The following ATP1A4 variants were observed in gnomAD, a reference collection of about 807,000 sequenced individuals.
The protein encoded by ATP1A4 is sodium/potassium-transporting ATPase subunit alpha-4.
A neutral mutation model predicts 114.3 loss-of-function variants in ATP1A4; 90 were observed. The ratio of observed to expected loss-of-function variants is 0.79; its 90% confidence interval spans 0.66 to 0.94. The LOEUF is 0.94. ATP1A4 is among the 40% of genes least tolerant of loss of function. The pLI is 0.00. For missense variants in ATP1A4, 1,222 were observed against 1,313.6 expected, an observed-to-expected ratio of 0.93 and a Z score of 1.08; for synonymous variants, 511 against 494.1, an observed-to-expected ratio of 1.03 and a Z score of -0.45.
At position 160,152,067 on chromosome 1, in the gene ATP1A4, A is replaced by G. The variant is rs2102006846; in HGVS notation, c.27A>G (p.Thr9=). 6 of 1,613,960 alleles carry G rather than the reference A, an allele frequency of 3.7e-6. No homozygotes were observed. Among genetic ancestry groups the G allele is most frequent in the Non-Finnish European group, 4.2e-6 (5 of 1,179,956 alleles). The change falls in exon 1 of 22, where the codon ACA becomes ACG. Residue 9 remains threonine (T), a synonymous_variant. Transcript: ENST00000368081. MGLWGKKG[T]VAPHDQSPRR... ...TGGGGCTTTGGGGGAAGAAAGGGAC[A>G]GTGGCTCCCCATGACCAGAGTCCAA...
chr1:160,186,192 G>C lies in ATP1A4; in HGVS notation c.2970-84G>C, dbSNP rs1475989302. 4 of 845,218 alleles carry C rather than the reference G, an allele frequency of 4.7e-6. No homozygotes were observed. In the African/African-American group the frequency reaches 6.8e-5, roughly 14 times the overall value. 52.4% of individuals were successfully genotyped at this position (845,218 alleles called of 1,614,324 possible). A position where few individuals can be genotyped will look rare whatever the true frequency, so the allele number is the denominator to read the frequency against. Reference sequence around the variant, plus strand: ...ACACAGTAGACACAAGCAATGAAACGTGCAATTCCTGTGCATTGCCCTCTG... The same window carrying C: ...ACACAGTAGACACAAGCAATGAAACCTGCAATTCCTGTGCATTGCCCTCTG... On this transcript the variant is annotated intron_variant, in intron 20 of 21. Coordinates refer to ENST00000368081, the MANE Select transcript of ATP1A4 (RefSeq NM_144699.4).
chr1:160,170,204 C>T (rs1196900860), intron 10 of ATP1A4: 1 of 152,196 alleles, frequency 6.6e-6, no homozygotes, highest in Non-Finnish European at 1.5e-5. Context: ...GTTGGTAGAT[C>T]ACCTGAGGTC....
At chr1:160,153,957 T>C (rs1410377675) in intron 2 of ATP1A4, among the ~76,000 whole-genome samples, 1 of 152,210 alleles carries the variant, frequency 6.6e-6, no homozygotes, top group Non-Finnish European at 1.5e-5. Flanking sequence ...CTGGTGGTGA[T>C]TGGCAGGTTC....
intron 4 of ATP1A4, among the ~76,000 whole-genome samples, chr1:160,157,503 C>A (rs1053616401): frequency 6.6e-6 from 1 of 152,230 alleles, no homozygotes; most frequent in South Asian, 2.1e-4. Context: ...AAAGATAATG[C>A]GTTAAAGGAT....
intron 15 of ATP1A4, 38 bp downstream of exon 15, chr1:160,174,785 C>G (rs1159104966): frequency 1.2e-6 from 2 of 1,612,060 alleles, no homozygotes; most frequent in Admixed American, 3.3e-5. Context: ...GACTTCAACC[C>G]TGGACTCAGG....
In ATP1A4 at chr1:160,182,046, G is replaced by T. The variant is rs1653726542; in HGVS notation, c.2969+15G>T. 10 of 1,603,312 alleles carry T rather than the reference G, an allele frequency of 6.2e-6. No individual in the cohort carries two copies. The highest frequency in any genetic ancestry group is 1.1e-5 in the South Asian group (1 of 90,850). ...TACCCACTCAAGTGAGTAAGGGAAG[G>T]GATGCAAGCAGGGGATGTGCAGGCA... On this transcript the variant is annotated intron_variant, in intron 20 of 21. Transcript: ENST00000368081.
At chr1:160,168,368 T>C (rs1338058005) in intron 10 of ATP1A4, among the ~76,000 whole-genome samples, 6 of 143,778 alleles carry the variant, frequency 4.2e-5, no homozygotes. Flanking sequence ...CTCCCAAGTC[T>C]GCTGGTATCT....
At position 160,171,417 on chromosome 1, in the gene ATP1A4, G is replaced by C. The variant is rs759087766; in HGVS notation, c.1658G>C (p.Gly553Ala). 12 of 1,614,014 alleles carry C rather than the reference G, an allele frequency of 7.4e-6. No homozygotes were observed. Among genetic ancestry groups the C allele is most frequent in the Non-Finnish European group, 1.0e-5 (12 of 1,180,002 alleles). Residue 553 changes from glycine to alanine, a missense_variant, in exon 11 of 22, where the codon GGA (glycine) becomes GCA (alanine). Coordinates refer to ENST00000368081, the MANE Select transcript of ATP1A4 (RefSeq NM_144699.4). ...TTCCAAAATGCCTACTTAGAACTGG[G>C]AGGTCTGGGGGAACGTGTGCTAGGT... ...EAFQNAYLEL[G>A]GLGERVLGFC...
At chr1:160,173,990 G>C (rs1480599021) in intron 13 of ATP1A4, 121 bp from the exon 14 acceptor site, 3 of 1,280,132 alleles carry the variant, frequency 2.3e-6, no homozygotes, top group Non-Finnish European at 3.2e-6. Flanking sequence ...TATAGGGCTA[G>C]GGACAAGTGA....
rs1228249328 is a variant in ATP1A4 at position 160,152,087 on chromosome 1, G to A, written c.47G>A (p.Ser16Asn). ...GGGACAGTGGCTCCCCATGACCAGAGTCCAAGACGAAGACCTAAAAAAGGG... is the reference window on the plus strand; with the variant it reads ...GGGACAGTGGCTCCCCATGACCAGAATCCAAGACGAAGACCTAAAAAAGGG... Reference protein sequence around the residue: ...KKGTVAPHDQSPRRRPKKGLI... With the variant: ...KKGTVAPHDQNPRRRPKKGLI... Residue 16 changes from serine (S) to asparagine (N), a missense_variant, in exon 1 of 22, where the codon AGT (serine) becomes AAT (asparagine). Ser to Asn is a conservative substitution (Grantham distance 46, BLOSUM62 1). Transcript: ENST00000368081. 3 of 1,613,926 alleles carry A rather than the reference G, an allele frequency of 1.9e-6. No individual in the cohort carries two copies. Among genetic ancestry groups the A allele is most frequent in the Non-Finnish European group, 2.5e-6 (3 of 1,179,994 alleles).
At chr1:160,158,962 C>A in intron 4 of ATP1A4, 40 bp from the exon 5 acceptor site, 2 of 1,593,774 alleles carry the variant, frequency 1.3e-6, no homozygotes, top group South Asian at 1.1e-5. Context: ...ATGAGGAAAG[C>A]CAAAAGTTTT....
In ATP1A4 at chr1:160,164,439, T is replaced by C. The variant is rs1404930767; in HGVS notation, c.1047+15T>C. 1 of 1,612,814 alleles carries C rather than the reference T, an allele frequency of 6.2e-7. No individual in the cohort carries two copies. The highest frequency in any genetic ancestry group is 1.3e-5 in the African/African-American group (1 of 74,802). On this transcript the variant is annotated intron_variant, in intron 7 of 21. Coordinates refer to ENST00000368081, the MANE Select transcript of ATP1A4 (RefSeq NM_144699.4). ...CCACAGTCACTGTGAGTAGACAGGG[T>C]GGAAAATGGCCTCAGGGCAGACAAA...
intron 21 of ATP1A4, 51 bp downstream of exon 21, chr1:160,186,418 C>T (rs1158216064): frequency 1.4e-6 from 2 of 1,390,492 alleles, no homozygotes; most frequent in Admixed American, 1.7e-5. Flanking sequence ...AGCCCCCTCA[C>T]TAGCTCTCCC....
intron 20 of ATP1A4, among the ~76,000 whole-genome samples, chr1:160,184,193 C>T (rs1323473788): frequency 5.3e-5 from 8 of 151,988 alleles, no homozygotes; most frequent in Non-Finnish European, 1.2e-4. Context: ...CCTTGTGATC[C>T]GCCTGCCTCT....
chr1:160,162,329 G>A (rs894485126), intron 6 of ATP1A4, among the ~76,000 whole-genome samples: 1 of 152,168 alleles, frequency 6.6e-6, no homozygotes, highest in African/African-American at 2.4e-5. Flanking sequence ...TCATTTCAAG[G>A]TGAGTGGCCT....
At chr1:160,155,883 G>A (rs937760797) in intron 3 of ATP1A4, among the ~76,000 whole-genome samples, 162 bp from the exon 4 acceptor site, 1 of 152,178 alleles carries the variant, frequency 6.6e-6, no homozygotes, top group East Asian at 1.9e-4. Flanking sequence ...GAAGCCAAGT[G>A]TACTGGTCCC....
chr1:160,176,927 G>C (rs935952265), intron 17 of ATP1A4, among the ~76,000 whole-genome samples: 2 of 152,186 alleles, frequency 1.3e-5, no homozygotes, highest in Admixed American at 6.5e-5. Flanking sequence ...ACTTAAACTT[G>C]GTGTGGGAGA....
chr1:160,171,768 G>C lies in ATP1A4; in HGVS notation c.1854+11G>C, dbSNP rs1038471750. On this transcript the variant is annotated intron_variant, in intron 12 of 21. Transcript: ENST00000368081. ...AGTGCAGGAATTAAGGTAAATACTT[G>C]CCCAGACCAGGAGCCCCTCACCTGT... 3 of 1,612,276 alleles carry C rather than the reference G, an allele frequency of 1.9e-6. No homozygotes were observed. The highest frequency in any genetic ancestry group is 1.7e-6 in the Non-Finnish European group (2 of 1,178,964).
intron 18 of ATP1A4, 97 bp from the exon 19 acceptor site, chr1:160,181,587 C>A: frequency 1.7e-5 from 23 of 1,316,452 alleles, no homozygotes; most frequent in Non-Finnish European, 2.3e-5. Flanking sequence ...GAGGACCTGA[C>A]TCAGCCCAGG....
Sources: allele counts gnomAD v4.1 joint callset (sites outside exome capture counted in the v4.1 genomes callset), GRCh38; gene constraint gnomAD v4.1.1; transcripts MANE v1.5; gene names NCBI Gene and HGNC (gene_info 2026-07-23, HGNC 2026-07-21).